MYO10: variants seen among roughly 807,000 people sequenced by gnomAD.
MYO10 encodes unconventional myosin-X.
A neutral mutation model predicts 257.3 loss-of-function variants in MYO10; 133 were observed. The ratio of observed to expected loss-of-function variants is 0.52; its 90% CI spans 0.45 to 0.60. MYO10 has a LOEUF of 0.60. Among genes scored for constraint, MYO10 ranks in the 20% least tolerant of loss-of-function variants. The pLI is 0.00. For missense variants in MYO10, 2,399 were observed against 2,635.7 expected (o/e 0.91, Z 1.97); for synonymous variants, 1,104 against 1,028.6 (o/e 1.07, Z -1.40).
rs1736015532 is a variant in MYO10, at chr5:16,662,337, T to TTTTTC, written c.*4354_*4355insGAAAA. ...AACTATTTTTTTTTTTTTTTTTTTTTTTTGGAGACAGAGTCTTGCTCTGTC... is the reference window on the plus strand; with the variant it reads ...AACTATTTTTTTTTTTTTTTTTTTTTTTTTCTTTGGAGACAGAGTCTTGCTCTGTC... On this transcript the variant is annotated 3_prime_UTR_variant, in exon 41 of 41. Coordinates refer to ENST00000513610, the MANE Select transcript of MYO10 (RefSeq NM_012334.3). 1 of 114,978 alleles carries TTTTTC rather than the reference T, an allele frequency of 8.7e-6. No individual in the cohort carries two copies. Among genetic ancestry groups the TTTTTC allele is most frequent in the Non-Finnish European group, 1.8e-5 (1 of 54,862 alleles). The allele number at this position is 114,978 out of a possible 1,614,324, so 7.1% of individuals were successfully genotyped here.
At position 16,711,197 on chromosome 5, in the gene MYO10, A is replaced by G; in HGVS notation, c.1978T>C (p.Ser660Pro). ...QAVVLNQLRY[S>P]GMLETVRIRK... ...ATTCTCACAGTCTCCAGCATCCCTG[A>G]GTACCGCAGCTGGTTCAGCACAACC... The change falls in exon 20 of 41, where the codon TCA becomes CCA. Residue 660 changes from serine to proline, a missense_variant. This residue lies in a region of MYO10 where 1,820 missense variants were observed against 1,939.4 expected (regional missense o/e 0.94). Transcript: ENST00000513610. The G allele has an allele frequency of 6.2e-7, 1 of 1,613,500 alleles. No individual in the cohort carries two copies. Among genetic ancestry groups the G allele is most frequent in the East Asian group, 2.2e-5 (1 of 44,870 alleles).
At chr5:16,694,822 C>T (rs1444463151) in intron 26 of MYO10, among the ~76,000 whole-genome samples, 3 of 152,156 alleles carry the variant, frequency 2.0e-5, no homozygotes, top group Non-Finnish European at 4.4e-5. Context: ...CTGGATTATA[C>T]AAGAATCCTT....
At chr5:16,832,785 C>T (rs137886014) in intron 2 of MYO10, among the ~76,000 whole-genome samples, 1 of 152,324 alleles carries the variant, frequency 6.6e-6, no homozygotes, top group African/African-American at 2.4e-5. Context: ...GTTTCACAAG[C>T]ATCTCAAAAC....
chr5:16,870,019 C>A (rs924686709), intron 2 of MYO10, among the ~76,000 whole-genome samples: 3 of 151,298 alleles, frequency 2.0e-5, no homozygotes, highest in African/African-American at 7.4e-5. Flanking sequence ...ACACTGTGAT[C>A]TCCTGACACC....
chr5:16,856,532 A>T (rs1421478228), intron 2 of MYO10, among the ~76,000 whole-genome samples: 4 of 151,878 alleles, frequency 2.6e-5, no homozygotes, highest in Non-Finnish European at 5.9e-5. Flanking sequence ...CCTGGGTGAC[A>T]GAGTGAGACT....
chr5:16,675,236 G>C (rs1736671271), intron 34 of MYO10, 86 bp from the exon 35 acceptor site: 1 of 1,396,324 alleles, frequency 7.2e-7, no homozygotes, highest in Non-Finnish European at 9.9e-7. Flanking sequence ...CAAGACAAAG[G>C]AATAAATGAG....
In MYO10 at chr5:16,665,777, G is replaced by C. The variant is rs1736138337; in HGVS notation, c.*915C>G. 6.6e-6 allele frequency: 1 copy of C among 152,578 alleles called. No individual in the cohort carries two copies. Among genetic ancestry groups the C allele is most frequent in the African/African-American group, 2.4e-5 (1 of 41,430 alleles). The allele number at this position is 152,578 out of a possible 1,614,324, so 9.5% of individuals were successfully genotyped here. Reference sequence around the variant, plus strand: ...CATTCTTGTTCTAAAACCAGCACTGGAGCCAGCTGTTGAAGAGTGGTTTAT... The same window carrying C: ...CATTCTTGTTCTAAAACCAGCACTGCAGCCAGCTGTTGAAGAGTGGTTTAT... On this transcript the variant is annotated 3_prime_UTR_variant, in exon 41 of 41. Coordinates refer to ENST00000513610, the MANE Select transcript of MYO10 (RefSeq NM_012334.3).
intron 2 of MYO10, among the ~76,000 whole-genome samples, chr5:16,824,611 G>GTAAT (rs1742947774): frequency 6.6e-6 from 1 of 152,192 alleles, no homozygotes; most frequent in Admixed American, 6.5e-5. Flanking sequence ...GCTCACGCTT[G>GTAAT]TAATCCCAGC....
intron 39 of MYO10, among the ~76,000 whole-genome samples, chr5:16,669,195 A>C (rs547247169): frequency 1.3e-3 from 198 of 148,804 alleles, no homozygotes; most frequent in African/African-American, 4.9e-3. Flanking sequence ...TGCATCCTCC[A>C]TGCAAAAGCC....
intron 2 of MYO10, among the ~76,000 whole-genome samples, chr5:16,823,446 C>CAGGGGGGGGGGGGGGG (rs1554000155): frequency 2.4e-4 from 1 of 4,192 alleles, no homozygotes; most frequent in Non-Finnish European, 5.7e-4. Context: ...CTCCATCTTG[C>CAGGGGGGGGGGGGGGG]GCGGGGGGGG....
chr5:16,691,698 C>CA (rs34616596), intron 27 of MYO10, among the ~76,000 whole-genome samples: 10,315 of 134,094 alleles, frequency 0.077, 1,079 homozygotes, highest in African/African-American at 0.25. Context: ...GACTCTGTAT[C>CA]AAAAAAAAAA....
intron 1 of MYO10, among the ~76,000 whole-genome samples, chr5:16,893,039 C>CA (rs924172999): frequency 1.4e-4 from 21 of 150,880 alleles, no homozygotes; most frequent in African/African-American, 4.1e-4. Context: ...ACTAAAAATA[C>CA]AAAAAAAATT....
At chr5:16,757,997 A>T in intron 18 of MYO10, 121 bp downstream of exon 18, 6 of 767,736 alleles carry the variant, frequency 7.8e-6, no homozygotes, top group Non-Finnish European at 1.1e-5. Context: ...TAAAAGCATG[A>T]TATAAAAGGA....
chr5:16,907,172 A>G (rs1745541853), intron 1 of MYO10, among the ~76,000 whole-genome samples: 1 of 152,140 alleles, frequency 6.6e-6, no homozygotes, highest in Non-Finnish European at 1.5e-5. Flanking sequence ...CCACAAGAAC[A>G]TCGCCATTTC....
intron 25 of MYO10, among the ~76,000 whole-genome samples, chr5:16,699,948 G>A (rs539900905): frequency 6.6e-6 from 1 of 152,146 alleles, no homozygotes; most frequent in Non-Finnish European, 1.5e-5. Context: ...AGATATACTT[G>A]AATCCAAAGG....
rs138567463 is a variant in MYO10 at position 16,684,063 on chromosome 5, T to C, written c.3991-128A>G. On this transcript the variant is annotated intron_variant, in intron 29 of 40. Coordinates refer to ENST00000513610, the MANE Select transcript of MYO10 (RefSeq NM_012334.3). ...TCTTTTCTTTTTAACTTCAAAATAA[T>C]AGTTATCTATGAGACGACTCCTCTG... 2,241 of 807,614 alleles carry C rather than the reference T, an allele frequency of 2.8e-3. 29 individuals are homozygous for C. The African/African-American group carries it at 0.032, about 11-fold the overall frequency. The allele number at this position is 807,614 out of a possible 1,614,324, so 50.0% of individuals were successfully genotyped here. A position where few individuals can be genotyped will look rare whatever the true frequency, so the allele number is the denominator to read the frequency against.
intron 1 of MYO10, among the ~76,000 whole-genome samples, chr5:16,935,112 G>A (rs1328698264): frequency 6.6e-6 from 1 of 152,134 alleles, no homozygotes; most frequent in African/African-American, 2.4e-5. Context: ...CCCTAAAGAG[G>A]GCATCCGTTT....
At chr5:16,677,434 G>A (rs985235181) in intron 33 of MYO10, among the ~76,000 whole-genome samples, 1 of 26,874 alleles carries the variant, frequency 3.7e-5, no homozygotes, top group Non-Finnish European at 8.6e-5. Context: ...TTTTTTTTTT[G>A]AGACGGAGTC....
At chr5:16,697,423 T>C (rs559625410) in intron 26 of MYO10, among the ~76,000 whole-genome samples, 3 of 152,296 alleles carry the variant, frequency 2.0e-5, no homozygotes, top group East Asian at 3.9e-4. Context: ...TTTTCATGGC[T>C]GGGCGCGGTG....
Sources: allele counts gnomAD v4.1 joint callset (sites outside exome capture counted in the v4.1 genomes callset), GRCh38; gene constraint gnomAD v4.1.1; regional missense constraint gnomAD v4.1.1; transcripts MANE v1.5; gene names NCBI Gene and HGNC (gene_info 2026-07-23, HGNC 2026-07-21).